The following ABCA9 variants were observed in gnomAD, a reference collection of about 807,000 sequenced individuals.
ABCA9 encodes the protein ATP-binding cassette sub-family A member 9.
In ABCA9, 183 loss-of-function variants were observed where a neutral mutation model predicts 205.3. The observed-to-expected ratio is 0.89, with a 90% confidence interval of 0.79 to 1.01. The LOEUF is 1.01. Ranked by LOEUF, ABCA9 falls within the 50% of genes least tolerant of loss-of-function variation. The pLI, the probability that ABCA9 is intolerant of heterozygous loss-of-function variation, is 0.00. For missense variants in ABCA9, 1,805 were observed against 1,912.4 expected (o/e 0.94, Z 1.05); for synonymous variants, 651 against 683.3 (o/e 0.95, Z 0.74).
chr17:69,052,676 TA>T (rs1439706685), intron 1 of ABCA9, among the ~76,000 whole-genome samples: 1 of 152,184 alleles, frequency 6.6e-6, no homozygotes, highest in Non-Finnish European at 1.5e-5. Context: ...CTGGGTGACC[TA>T]AAATTCAATT....
At chr17:68,984,755 A>G (rs2069172671) in intron 34 of ABCA9, 130 bp downstream of exon 34, 1 of 1,209,380 alleles carries the variant, frequency 8.3e-7, no homozygotes, top group Admixed American at 2.6e-5. Flanking sequence ...GAAATCAGAT[A>G]ATTTTTTTTC....
chr17:69,037,449 C>G (rs2071383984), intron 6 of ABCA9, among the ~76,000 whole-genome samples: 1 of 152,132 alleles, frequency 6.6e-6, no homozygotes, highest in Non-Finnish European at 1.5e-5. Context: ...ACTGAATGAC[C>G]TGCTCCTGAA....
At chr17:69,062,772 C>G (rs913604115), upstream of ABCA9, among the ~76,000 whole-genome samples, 5 of 152,126 alleles carry the variant, frequency 3.3e-5, no homozygotes, top group African/African-American at 9.7e-5. Flanking sequence ...CTTGGCCCCA[C>G]AAAGTGCTGG....
chr17:69,051,724 C>A (rs1329935425), intron 1 of ABCA9: 2 of 152,144 alleles, frequency 1.3e-5, no homozygotes, highest in Non-Finnish European at 2.9e-5. Context: ...TTGGCACACA[C>A]CCATCCACAT....
chr17:68,996,584 G>A (rs7217379), intron 25 of ABCA9, among the ~76,000 whole-genome samples: 12,772 of 152,220 alleles, frequency 0.084, 1,762 homozygotes, highest in African/African-American at 0.29. Context: ...TTTAACAGTT[G>A]CTAACATTTT....
chr17:69,035,372 A>G lies in ABCA9; in HGVS notation c.1002T>C (p.Val334=). 1.2e-6 allele frequency: 2 copies of G among 1,608,260 alleles called. No homozygotes were observed. The highest frequency in any genetic ancestry group is 1.7e-6 in the Non-Finnish European group (2 of 1,177,100). ...CCCAAAAGACAATAAGGAGAAACAC[A>G]ACCAAGCCCGTAAGGAAAGGTTTCT... ...LIKKPFLTGL[V]VFLLIVFWGI... is the part of the protein sequence containing the mutation. Residue 334 remains valine, a synonymous_variant, in exon 8 of 39, where the codon GTT becomes GTC. Coordinates refer to ENST00000340001, the MANE Select transcript of ABCA9 (RefSeq NM_080283.4).
chr17:68,991,224 G>T (rs2069445094), intron 28 of ABCA9, among the ~76,000 whole-genome samples: 1 of 152,180 alleles, frequency 6.6e-6, no homozygotes, highest in Non-Finnish European at 1.5e-5. Flanking sequence ...AGAAGAAAGT[G>T]GTATACACCC....
chr17:69,041,434 C>T (rs181266543), intron 6 of ABCA9, among the ~76,000 whole-genome samples: 19 of 152,074 alleles, frequency 1.2e-4, no homozygotes, highest in African/African-American at 4.1e-4. Flanking sequence ...GCTGGGGTGG[C>T]GGCTCACACC....
At chr17:69,077,783 G>A in the ABCA9 span, among the ~76,000 whole-genome samples, 2 of 151,926 alleles carry the variant, frequency 1.3e-5, no homozygotes, top group African/African-American at 4.8e-5. Flanking sequence ...ATCACAGAAG[G>A]AATACTGCTT....
chr17:69,068,387 GCTATTT>G, the ABCA9 span, among the ~76,000 whole-genome samples: 9 of 152,022 alleles, frequency 5.9e-5, no homozygotes, highest in Admixed American at 1.3e-4. Flanking sequence ...AATCTTTATT[GCTATTT>G]CTATTTCTAT....
intron 20 of ABCA9, 138 bp from the exon 21 acceptor site, chr17:69,017,927 G>A (rs2070680156): frequency 4.3e-6 from 4 of 920,178 alleles, no homozygotes; most frequent in Admixed American, 2.5e-5. Context: ...CAGAATTGAT[G>A]TTCTGGTACA....
rs1013905492 is a variant in ABCA9, at chr17:69,043,533, A to G, written c.756T>C (p.Ile252=). Residue 252 remains isoleucine (I), a synonymous_variant, in exon 6 of 39, where the codon ATT becomes ATC. Coordinates refer to ENST00000340001, the MANE Select transcript of ABCA9 (RefSeq NM_080283.4). ...GTCCCATCATTGTCATCAATGACGT[A>G]ATGTATTGTCTTTCTTGTGTAACAT... is the stretch of plus-strand genomic sequence containing the variant. The part of the protein sequence containing the change: ...SVNVTQERQY[I]TSLMTMMGLR... 9.9e-6 allele frequency: 16 copies of G among 1,609,440 alleles called. No individual in the cohort carries two copies. The highest frequency in any genetic ancestry group is 1.2e-5 in the Non-Finnish European group (14 of 1,177,906).
the ABCA9 span, among the ~76,000 whole-genome samples, chr17:69,067,805 C>A: frequency 6.6e-6 from 1 of 152,160 alleles, no homozygotes; most frequent in African/African-American, 2.4e-5. Flanking sequence ...AGTTCAGAAG[C>A]CTCACAGAGC....
Position 69,049,362 on chromosome 17 carries a change from AT to A in ABCA9, c.224del (p.Asn75IlefsTer16). On this transcript the variant is annotated frameshift_variant, in exon 3 of 39. Coordinates refer to ENST00000340001, the MANE Select transcript of ABCA9 (RefSeq NM_080283.4). LOFTEE classifies it high-confidence loss of function. ...ATTCAGGTGCAAATGCAATAACATA[AT>A]TAGTATCATTAAAACTATCTACACG... ...LGRVDSFNDT[N>X]YVIAFAPESK... 6.2e-7 allele frequency: 1 copy of A among 1,613,208 alleles called. No individual in the cohort carries two copies. Among genetic ancestry groups the A allele is most frequent in the Non-Finnish European group, 8.5e-7 (1 of 1,179,476 alleles).
Position 68,983,814 on chromosome 17 carries a change from A to G in ABCA9, c.4535T>C (p.Phe1512Ser), listed in dbSNP as rs1313135897. 2 of 1,614,156 alleles carry G rather than the reference A, an allele frequency of 1.2e-6. No homozygotes were observed. The highest frequency in any genetic ancestry group is 1.7e-6 in the Non-Finnish European group (2 of 1,180,028). ...IGSIQHLKSK[F>S]GKDYLLEMKL... ...CATCTCCAGCAGGTAGTCTTTGCCAAATTTGCTTTTCAGGTGTTGGATGGA... is the reference window on the plus strand; with the variant it reads ...CATCTCCAGCAGGTAGTCTTTGCCAGATTTGCTTTTCAGGTGTTGGATGGA... The change falls in exon 36 of 39, where the codon TTT becomes TCT. Residue 1512 changes from phenylalanine to serine, a missense_variant. Transcript: ENST00000340001.
In ABCA9 at chr17:68,975,805, G is replaced by T. The variant is rs1393133378; in HGVS notation, c.*110C>A. ...ATACTACTGAGGATAATTATTGCATGAGTTTCAAATGCATTTTGTACCACC... is the reference window on the plus strand; with the variant it reads ...ATACTACTGAGGATAATTATTGCATTAGTTTCAAATGCATTTTGTACCACC... On this transcript the variant is annotated 3_prime_UTR_variant, in exon 39 of 39. Transcript: ENST00000340001. The T allele has an allele frequency of 9.8e-6, 8 of 814,874 alleles. No individual in the cohort carries two copies. The East Asian group carries it at 2.1e-4, about 22-fold the overall frequency. 50.5% of individuals were successfully genotyped at this position (814,874 alleles called of 1,614,324 possible). A position where few individuals can be genotyped will look rare whatever the true frequency, so the allele number is the denominator to read the frequency against.
rs1262949852 is a variant in ABCA9, at chr17:68,992,121, C to G, written c.3716+54G>C. ...TAATTAATTCAGCACATTAAAAAGT[C>G]CTTAAAGAATGAATATCAAAATGAA... On this transcript the variant is annotated intron_variant, in intron 28 of 38. Coordinates refer to ENST00000340001, the MANE Select transcript of ABCA9 (RefSeq NM_080283.4). The G allele has an allele frequency of 2.3e-6, 3 of 1,278,772 alleles. No homozygotes were observed. The Admixed American group carries it at 6.6e-5, about 28-fold the overall frequency. 79.2% of individuals were successfully genotyped at this position (1,278,772 alleles called of 1,614,324 possible). A position where few individuals can be genotyped will look rare whatever the true frequency, so the allele number is the denominator to read the frequency against.
chr17:69,067,955 G>A, the ABCA9 span, among the ~76,000 whole-genome samples: 1 of 152,178 alleles, frequency 6.6e-6, no homozygotes, highest in Admixed American at 6.5e-5. Flanking sequence ...CAGAAACACT[G>A]GGAAATCTTG....
chr17:69,060,725 T>C (rs561995773), intron 1 of ABCA9, 141 bp downstream of exon 1: 24 of 522,298 alleles, frequency 4.6e-5, no homozygotes, highest in African/African-American at 4.4e-4. Flanking sequence ...CAAAATAAAA[T>C]AGATGATTTA....
Sources: allele counts gnomAD v4.1 joint callset (sites outside exome capture counted in the v4.1 genomes callset), GRCh38; gene constraint gnomAD v4.1.1; transcripts MANE v1.5; gene names NCBI Gene and HGNC (gene_info 2026-07-23, HGNC 2026-07-21).